The following PITPNM3 variants were observed in gnomAD, a reference collection of about 807,000 sequenced individuals.
PITPNM3 encodes PITPNM family member 3.
In PITPNM3, 26 loss-of-function variants were observed where a neutral mutation model predicts 102.0. The ratio of observed to expected loss-of-function variants is 0.25; its 90% CI spans 0.19 to 0.35. The LOEUF (loss-of-function observed/expected upper bound fraction) is 0.35. PITPNM3 is among the 10% of genes least tolerant of loss of function. The pLI is 1.00. For synonymous variants in PITPNM3, 578 were observed against 558.6 expected, an observed-to-expected ratio of 1.03 and a Z score of -0.49; for missense variants, 1,083 against 1,346.1, an observed-to-expected ratio of 0.80 and a Z score of 3.06.
chr17:6,491,920 A>AATAT (rs34497661), intron 4 of PITPNM3, among the ~76,000 whole-genome samples: 4 of 147,340 alleles, frequency 2.7e-5, no homozygotes, highest in African/African-American at 1.0e-4. Flanking sequence ...TCACAACTGT[A>AATAT]ATATATATAT....
Position 6,469,041 on chromosome 17 carries a change from T to C in PITPNM3, c.1774-700A>G, listed in dbSNP as rs1324159972. ...TATCTCAGGGGTCCTCTCCCTACAC[T>C]CTCTGGGTCCTCCAACCTCAGGGAT... On this transcript the variant is annotated intron_variant, in intron 13 of 19. Transcript: ENST00000262483. The surrounding 1 kb of genome is among the most constrained non-coding windows in gnomAD (Gnocchi z 4.0). Among the ~76,000 whole-genome samples the C allele has an allele frequency of 6.6e-6, 1 of 151,952 alleles. No homozygotes were observed. Among genetic ancestry groups the C allele is most frequent in the Non-Finnish European group, 1.5e-5 (1 of 67,992 alleles).
In PITPNM3 at chr17:6,457,225, T is replaced by C. The variant is rs1914154831; in HGVS notation, c.2619+369A>G. Among the ~76,000 whole-genome samples the C allele has an allele frequency of 6.6e-6, 1 of 152,218 alleles. No homozygotes were observed. The highest frequency in any genetic ancestry group is 6.5e-5 in the Admixed American group (1 of 15,290). ...CAATCTCAGGCCCTTCCTGGACCAT[T>C]CCTTCAAATTCCGGAAACCCAACCT... On this transcript the variant is annotated intron_variant, in intron 19 of 19. Coordinates refer to ENST00000262483, the MANE Select transcript of PITPNM3 (RefSeq NM_031220.4). This position sits in a 1 kb window ranked among gnomAD's most constrained non-coding sequence, Gnocchi z 4.7.
intron 4 of PITPNM3, among the ~76,000 whole-genome samples, chr17:6,501,158 G>A (rs1293064736): frequency 6.6e-6 from 1 of 152,206 alleles, no homozygotes; most frequent in Non-Finnish European, 1.5e-5. Context: ...CATGTCGGGT[G>A]GCTGTTTTTG....
chr17:6,532,684 C>T (rs1460252709), intron 2 of PITPNM3, among the ~76,000 whole-genome samples: 3 of 152,138 alleles, frequency 2.0e-5, no homozygotes, highest in Admixed American at 2.0e-4. Context: ...TCCTTCTTAA[C>T]TGTACCACAA....
chr17:6,464,718 G>A lies in PITPNM3; in HGVS notation c.1944C>T (p.Pro648=), dbSNP rs142681838. Residue 648 remains proline (P), a synonymous_variant, in exon 15 of 20, where the codon CCC becomes CCT. Transcript: ENST00000262483. ...ANDVIAAEDG[P]QVLVGRFMYG... is the part of the protein sequence containing the mutation. The stretch of plus-strand genomic sequence containing the variant: ...ACATGAACCGCCCCACCAGGACCTG[G>A]GGGCCATCTTCAGCAGCAATCACAT... 1.6e-4 allele frequency: 266 copies of A among 1,614,172 alleles called. 2 individuals are homozygous for A. In the African/African-American group the frequency reaches 2.0e-3, roughly 12 times the overall value.
At chr17:6,520,742 T>A (rs774987881) in intron 3 of PITPNM3, among the ~76,000 whole-genome samples, 4 of 152,178 alleles carry the variant, frequency 2.6e-5, no homozygotes, top group Non-Finnish European at 5.9e-5. Flanking sequence ...CAAACGTCCA[T>A]CATCAGATGA....
In PITPNM3 at chr17:6,556,373, G is replaced by A; in HGVS notation, c.22+12C>T. On this transcript the variant is annotated intron_variant, in intron 1 of 19. Coordinates refer to ENST00000262483, the MANE Select transcript of PITPNM3 (RefSeq NM_031220.4). This position sits in a 1 kb window ranked among gnomAD's most constrained non-coding sequence, Gnocchi z 5.2. The stretch of plus-strand genomic sequence containing the variant: ...CGGGCCCCGGCCCTGCCCTCCCCGC[G>A]CCCGCCCTCACCTGCACGGCCCGCC... The A allele has an allele frequency of 1.5e-6, 2 of 1,359,032 alleles. No individual in the cohort carries two copies. Among genetic ancestry groups the A allele is most frequent in the South Asian group, 1.5e-5 (1 of 65,436 alleles). 84.2% of individuals were successfully genotyped at this position (1,359,032 alleles called of 1,614,324 possible).
At chr17:6,503,651 G>A in intron 3 of PITPNM3, 77 bp from the exon 4 acceptor site, 1 of 1,443,178 alleles carries the variant, frequency 6.9e-7, no homozygotes, top group South Asian at 1.2e-5. Flanking sequence ...GAGGCTGCTT[G>A]GAGCTGCCTC....
chr17:6,530,476 G>A (rs947473677), intron 2 of PITPNM3, among the ~76,000 whole-genome samples: 1 of 152,242 alleles, frequency 6.6e-6, no homozygotes, highest in African/African-American at 2.4e-5. Context: ...TCCCACCTTG[G>A]GGAGTGGGGG....
intron 3 of PITPNM3, among the ~76,000 whole-genome samples, chr17:6,514,936 T>A (rs1374730435): frequency 6.6e-6 from 1 of 152,204 alleles, no homozygotes; most frequent in African/African-American, 2.4e-5. Flanking sequence ...AAGCACTGAC[T>A]TATGCTACAA....
chr17:6,473,787 G>A (rs1335735720), intron 10 of PITPNM3, among the ~76,000 whole-genome samples: 1 of 152,040 alleles, frequency 6.6e-6, no homozygotes, highest in Non-Finnish European at 1.5e-5. Flanking sequence ...GACCAGCCTG[G>A]CCAACATGGT....
intron 1 of PITPNM3, among the ~76,000 whole-genome samples, chr17:6,544,705 C>G (rs1028937992): frequency 6.7e-6 from 1 of 150,110 alleles, no homozygotes; most frequent in Non-Finnish European, 1.5e-5. Flanking sequence ...TACACGAGAA[C>G]AGCAGGTTCT....
At chr17:6,536,110 A>G (rs1172522570) in intron 2 of PITPNM3, among the ~76,000 whole-genome samples, 1 of 151,852 alleles carries the variant, frequency 6.6e-6, no homozygotes, top group East Asian at 1.9e-4. Context: ...AGATGATGAG[A>G]AAGAAAACAC....
At chr17:6,545,386 T>C (rs1340308688) in intron 1 of PITPNM3, among the ~76,000 whole-genome samples, 1 of 152,154 alleles carries the variant, frequency 6.6e-6, no homozygotes, top group Non-Finnish European at 1.5e-5. Flanking sequence ...GCCCCTGGAA[T>C]GGGAGCCTCG....
chr17:6,534,690 A>G (rs1007789175), intron 2 of PITPNM3, among the ~76,000 whole-genome samples: 6 of 152,194 alleles, frequency 3.9e-5, no homozygotes, highest in Admixed American at 2.6e-4. Context: ...CACTGTTCCC[A>G]GGTCCAGTCA....
At chr17:6,539,863 A>T (rs1909640909) in intron 1 of PITPNM3, among the ~76,000 whole-genome samples, 1 of 152,216 alleles carries the variant, frequency 6.6e-6, no homozygotes, top group African/African-American at 2.4e-5. Context: ...AAGTCCTATT[A>T]TCCCCATCTG....
chr17:6,505,553 T>G (rs1907453745), intron 3 of PITPNM3, among the ~76,000 whole-genome samples: 1 of 152,248 alleles, frequency 6.6e-6, no homozygotes, highest in South Asian at 2.1e-4. Context: ...GCAGCACAGA[T>G]GTGGACAGAA....
intron 15 of PITPNM3, 129 bp from the exon 16 acceptor site, chr17:6,464,447 C>T (rs1453563391): frequency 8.7e-7 from 1 of 1,147,434 alleles, no homozygotes; most frequent in Non-Finnish European, 1.3e-6. Context: ...CAGCCTGGCT[C>T]CTCATTTGTC....
In PITPNM3 at chr17:6,483,548, T is replaced by C. The variant is rs771713034; in HGVS notation, c.556A>G (p.Ile186Val). The change falls in exon 6 of 20, where the codon ATC becomes GTC. Residue 186 changes from isoleucine (I) to valine (V), a missense_variant. Transcript: ENST00000262483. ...ACAAGCGAGAAAGCCTCAGAGCAGA[T>C]GGCAGGACAGGGGACGAACTTGATG... ...ILIKFVPCPAICSEAFSLVSH... is the reference protein window; with the variant it reads ...ILIKFVPCPAVCSEAFSLVSH... 1.9e-6 allele frequency: 3 copies of C among 1,613,754 alleles called. No homozygotes were observed. Among genetic ancestry groups the C allele is most frequent in the Non-Finnish European group, 2.5e-6 (3 of 1,179,980 alleles).
Sources: gnomAD v4.1 joint callset for allele counts (sites outside exome capture counted in the v4.1 genomes callset) on GRCh38, gnomAD v4.1.1 for gene constraint, Gnocchi (gnomAD v3.1) non-coding constraint, MANE v1.5 for transcripts, NCBI Gene and HGNC (gene_info 2026-07-23, HGNC 2026-07-21) for gene names.